Variants in WDR31 observed in about 807,000 individuals in gnomAD.
The protein encoded by WDR31 is WD repeat domain 31.
Under a neutral mutation model 47.3 loss-of-function variants are expected in WDR31, and 30 were observed. That is an observed-to-expected ratio of 0.63 (90% CI 0.47 to 0.86). The LOEUF (loss-of-function observed/expected upper bound fraction) is 0.86, where lower values mean the gene tolerates loss of function less well. WDR31 is among the 40% of genes least tolerant of loss of function. The probability of loss-of-function intolerance (pLI) is 0.00; values close to 1 mark genes in which losing one functional copy is unlikely to be tolerated. For synonymous variants in WDR31, 137 were observed against 159.4 expected (o/e 0.86, Z 1.06); for missense variants, 406 against 442.9 (o/e 0.92, Z 0.75).
At chr9:113,339,992 C>T (rs1420561734) in intron 1 of WDR31, among the ~76,000 whole-genome samples, 1 of 152,212 alleles carries the variant, frequency 6.6e-6, no homozygotes, top group African/African-American at 2.4e-5. Context: ...GCCTCGGCCT[C>T]CCACAGTGCT....
At chr9:113,328,266 A>C (rs1833520485) in intron 5 of WDR31, among the ~76,000 whole-genome samples, 1 of 152,230 alleles carries the variant, frequency 6.6e-6, no homozygotes, top group Non-Finnish European at 1.5e-5. Flanking sequence ...AGTCTAGTTC[A>C]GAACACAATG....
Position 113,325,455 on chromosome 9 carries a change from AT to A in WDR31, c.325-2301del, listed in dbSNP as rs1366749432. ...TTGTCTTCTTTTTCTATAAAATTGT[AT>A]ATTTGTTTTTAGAGTTATTTTTCCC... On this transcript the variant is annotated intron_variant, in intron 5 of 10. Coordinates refer to ENST00000374193, the MANE Select transcript of WDR31 (RefSeq NM_001012361.4). 2.0e-5 allele frequency among the ~76,000 whole-genome samples: 3 copies of A among 152,090 alleles called. No homozygotes were observed. The East Asian group carries it at 5.8e-4, about 29-fold the overall frequency.
chr9:113,339,016 T>C (rs1048192449), intron 1 of WDR31, among the ~76,000 whole-genome samples: 5 of 152,124 alleles, frequency 3.3e-5, no homozygotes, highest in Admixed American at 1.3e-4. Context: ...CATCCCAGGC[T>C]CCAGACCCAG....
chr9:113,327,428 C>CACACACACACACACGT (rs1420865368), intron 5 of WDR31, among the ~76,000 whole-genome samples: 1 of 152,008 alleles, frequency 6.6e-6, no homozygotes, highest in Non-Finnish European at 1.5e-5. Context: ...TGCACACACA[C>CACACACACACACACGT]ACACACACAC....
intron 5 of WDR31, among the ~76,000 whole-genome samples, chr9:113,326,457 T>C (rs1833472341): frequency 6.6e-6 from 1 of 151,748 alleles, no homozygotes; most frequent in South Asian, 2.1e-4. Context: ...TCTCTCTCTC[T>C]CTTTCCTCCC....
At position 113,320,337 on chromosome 9, in the gene WDR31, G is replaced by T; in HGVS notation, c.780+20C>A. The T allele has an allele frequency of 6.2e-7, 1 of 1,612,998 alleles. No homozygotes were observed. The highest frequency in any genetic ancestry group is 1.1e-5 in the South Asian group (1 of 90,830). ...CTGTTCATCAGCAACCAGATACCTG[G>T]ACCTCACACAGTCTCCTACCGTGGC... On this transcript the variant is annotated intron_variant, in intron 9 of 10. Transcript: ENST00000374193.
intron 2 of WDR31, among the ~76,000 whole-genome samples, chr9:113,335,361 T>C (rs1039808440): frequency 3.9e-5 from 6 of 152,324 alleles, no homozygotes; most frequent in Non-Finnish European, 8.8e-5. Context: ...CCATGTCATG[T>C]GTCCCCTGCG....
At chr9:113,331,711 C>T (rs924966732) in intron 3 of WDR31, among the ~76,000 whole-genome samples, 196 bp downstream of exon 3, 24 of 152,170 alleles carry the variant, frequency 1.6e-4, no homozygotes, top group African/African-American at 4.8e-4. Flanking sequence ...GCTTCCAAAG[C>T]GCTGGGATTA....
chr9:113,330,602 T>C (rs1178698165), intron 4 of WDR31, among the ~76,000 whole-genome samples: 1 of 152,192 alleles, frequency 6.6e-6, no homozygotes, highest in Non-Finnish European at 1.5e-5. Context: ...TTGCTGACAA[T>C]TAACTCCTGT....
At chr9:113,320,968 C>T (rs1323466) in intron 8 of WDR31, among the ~76,000 whole-genome samples, 77,760 of 152,026 alleles carry the variant, frequency 0.51, 20,842 homozygotes, top group East Asian at 0.89. Context: ...TGTTTTGCTT[C>T]TTATTTCATT....
chr9:113,319,845 T>A (rs574788782), intron 9 of WDR31, among the ~76,000 whole-genome samples: 92 of 152,202 alleles, frequency 6.0e-4, no homozygotes, highest in Non-Finnish European at 1.1e-3. Context: ...AGTAGAGACA[T>A]CAGCAGGCTG....
At chr9:113,331,857 T>G (rs1047926572) in intron 3 of WDR31, 50 bp downstream of exon 3, 19 of 1,568,250 alleles carry the variant, frequency 1.2e-5, no homozygotes, top group Non-Finnish European at 1.6e-5. Flanking sequence ...CAGTGGAGAG[T>G]TTTAATGGGG....
In WDR31 at chr9:113,331,938, T is replaced by A; in HGVS notation, c.85A>T (p.Ser29Cys). ...TTATAAGTGCTGTGTTTGAGTTTGC[T>A]TTGCTGTTTCCCCATCACGACACAA... ...RFCVVMGKQQ[S>C]KLKHSTYKYG... is the part of the protein sequence containing the mutation. Residue 29 changes from serine to cysteine, a missense_variant, in exon 3 of 11, where the codon AGC (serine) becomes TGC (cysteine). By Grantham distance (112) the Ser-to-Cys change is moderately radical. Coordinates refer to ENST00000374193, the MANE Select transcript of WDR31 (RefSeq NM_001012361.4). The A allele has an allele frequency of 1.9e-6, 3 of 1,613,940 alleles. No individual in the cohort carries two copies. The highest frequency in any genetic ancestry group is 2.5e-6 in the Non-Finnish European group (3 of 1,179,846).
At chr9:113,325,998 G>T (rs1356497226) in intron 5 of WDR31, among the ~76,000 whole-genome samples, 1 of 152,060 alleles carries the variant, frequency 6.6e-6, no homozygotes, top group Admixed American at 6.5e-5. Flanking sequence ...CACAACCTCT[G>T]CCTCCTGGGT....
In WDR31 at chr9:113,316,914, G is replaced by T. The variant is rs183964776; in HGVS notation, c.944-5C>A. 1.1e-5 allele frequency: 17 copies of T among 1,612,746 alleles called. No homozygotes were observed. The highest frequency in any genetic ancestry group is 1.7e-4 in the Middle Eastern group (1 of 6,054). ...GAGACAAGGTGAAAAGGCAGGCTGG[G>T]GGGGAAAGGGGGACCAGCAGATTAG... is the stretch of plus-strand genomic sequence containing the variant. On this transcript the variant is annotated splice_polypyrimidine_tract_variant and splice_region_variant and intron_variant, in intron 10 of 10. Transcript: ENST00000374193.
At chr9:113,331,142 ACC>A (rs775692500) in intron 3 of WDR31, 26 bp from the exon 4 acceptor site, 1 of 680,276 alleles carries the variant, frequency 1.5e-6, no homozygotes, top group South Asian at 1.9e-5. Flanking sequence ...AAAATGAGAG[ACC>A]CAATGGCATG....
intron 7 of WDR31, 146 bp downstream of exon 7, chr9:113,322,665 C>A: frequency 1.5e-6 from 1 of 665,822 alleles, no homozygotes; most frequent in Admixed American, 3.0e-5. Flanking sequence ...CCCTGAGAGG[C>A]CAGGGTCTCA....
intron 5 of WDR31, among the ~76,000 whole-genome samples, chr9:113,328,675 C>T (rs1225710686): frequency 1.3e-5 from 2 of 152,130 alleles, no homozygotes; most frequent in African/African-American, 4.8e-5. Context: ...GGCTTAATGA[C>T]AAAAGAAAAA....
chr9:113,322,938 C>T (rs757723718), intron 6 of WDR31, 27 bp from the exon 7 acceptor site: 1 of 1,613,924 alleles, frequency 6.2e-7, no homozygotes, highest in Non-Finnish European at 8.5e-7. Flanking sequence ...GAGAAGACAG[C>T]CTGTGAGTGG....
Sources: allele counts gnomAD v4.1 joint callset (sites outside exome capture counted in the v4.1 genomes callset), GRCh38; gene constraint gnomAD v4.1.1; transcripts MANE v1.5; gene names NCBI Gene and HGNC (gene_info 2026-07-23, HGNC 2026-07-21).